The following DPF3 variants were observed in gnomAD, a reference collection of about 807,000 sequenced individuals.
The protein encoded by DPF3 is double PHD fingers 3.
Under a neutral mutation model 56.8 loss-of-function variants are expected in DPF3, and 18 were observed. That is an observed-to-expected ratio of 0.32 (90% CI 0.22 to 0.47). The LOEUF is 0.47. Ranked by LOEUF, DPF3 falls within the 20% of genes least tolerant of loss-of-function variation. The probability of loss-of-function intolerance (pLI) is 1.00; values close to 1 mark genes in which losing one functional copy is unlikely to be tolerated. For synonymous variants in DPF3, 188 were observed against 180.2 expected (o/e 1.04, Z -0.35); for missense variants, 403 against 488.8 (o/e 0.82, Z 1.65).
At chr14:72,686,013 C>A (rs191672751) in intron 7 of DPF3, among the ~76,000 whole-genome samples, 14 of 152,310 alleles carry the variant, frequency 9.2e-5, no homozygotes, top group Non-Finnish European at 7.4e-5. Flanking sequence ...AGGGCTGAGA[C>A]CACGTTATCC....
At chr14:72,827,545 G>C (rs541816194) in intron 1 of DPF3, among the ~76,000 whole-genome samples, 1 of 125,170 alleles carries the variant, frequency 8.0e-6, no homozygotes, top group Non-Finnish European at 1.5e-5. Flanking sequence ...GCACAATCTC[G>C]GCTCACTGCA....
rs553173675 is a variant in DPF3, at chr14:72,684,364, C to CA, written c.742+8711dup. Among the ~76,000 whole-genome samples, 10 of 152,096 alleles carry CA rather than the reference C, an allele frequency of 6.6e-5. No individual in the cohort carries two copies. The South Asian group carries it at 2.1e-3, about 32-fold the overall frequency. The stretch of plus-strand genomic sequence containing the variant: ...CTGCTTTAGAGGCTGGGAGACCAAT[C>CA]AAAAAAGTTTTAACAACCCAGGCAG... On this transcript the variant is annotated intron_variant, in intron 7 of 10. Transcript: ENST00000556509.
intron 8 of DPF3, among the ~76,000 whole-genome samples, chr14:72,638,536 A>G (rs1158145431): frequency 6.6e-6 from 1 of 152,228 alleles, no homozygotes; most frequent in Non-Finnish European, 1.5e-5. Flanking sequence ...GGTGGAAAAC[A>G]GCAGTGATTG....
chr14:72,620,178 C>T (rs1391019807), intron 9 of DPF3, among the ~76,000 whole-genome samples, 194 bp from the exon 10 acceptor site: 1 of 152,162 alleles, frequency 6.6e-6, no homozygotes, highest in Non-Finnish European at 1.5e-5. Context: ...CCCTCTACCT[C>T]CCAGCCTATA....
chr14:72,691,183 A>G (rs1887664656), intron 7 of DPF3, among the ~76,000 whole-genome samples: 2 of 152,188 alleles, frequency 1.3e-5, no homozygotes, highest in South Asian at 4.1e-4. Flanking sequence ...TGACAACAGC[A>G]GGTGAGAAAG....
intron 1 of DPF3, among the ~76,000 whole-genome samples, chr14:72,785,535 G>A (rs1892176727): frequency 6.6e-6 from 1 of 152,176 alleles, no homozygotes. Context: ...TCCAGAACTA[G>A]AATAACCTGA....
At chr14:72,889,177 G>T (rs1886657095) in intron 1 of DPF3, among the ~76,000 whole-genome samples, 1 of 152,148 alleles carries the variant, frequency 6.6e-6, no homozygotes, top group Admixed American at 6.6e-5. Flanking sequence ...TGACTAAGCA[G>T]CTCCCATTCA....
intron 1 of DPF3, among the ~76,000 whole-genome samples, chr14:72,826,294 G>T (rs1883797147): frequency 6.6e-6 from 1 of 152,152 alleles, no homozygotes; most frequent in African/African-American, 2.4e-5. Context: ...GTTTTTAATG[G>T]CCCGTAAACA....
rs73296138 is a variant in DPF3 at position 72,661,041 on chromosome 14, C to T, written c.871+13199G>A. 1.3e-3 allele frequency: 1,319 copies of T among 985,412 alleles called. 15 individuals are homozygous for T. The African/African-American group carries it at 0.021, about 16-fold the overall frequency. 61.0% of individuals were successfully genotyped at this position (985,412 alleles called of 1,614,324 possible). On this transcript the variant is annotated intron_variant, in intron 8 of 10. Transcript: ENST00000556509. ...TGGTCAAGCAAATTTTACAGAGATG[C>T]TATAGGAGCATTGGAAACAGACTTT...
intron 6 of DPF3, among the ~76,000 whole-genome samples, chr14:72,704,952 C>T (rs763423240): frequency 9.2e-5 from 14 of 152,320 alleles, no homozygotes; most frequent in South Asian, 4.2e-4. Flanking sequence ...CATCAGGCTT[C>T]AGGCTTTCCT....
chr14:72,667,899 G>T (rs145433444), intron 8 of DPF3, among the ~76,000 whole-genome samples: 2 of 152,188 alleles, frequency 1.3e-5, no homozygotes, highest in African/African-American at 4.8e-5. Flanking sequence ...TGCAGGCAAC[G>T]ATAGAGTATA....
intron 2 of DPF3, among the ~76,000 whole-genome samples, chr14:72,755,839 C>T (rs1890766033): frequency 6.6e-6 from 1 of 152,176 alleles, no homozygotes; most frequent in African/African-American, 2.4e-5. Context: ...CCCTTCCTTG[C>T]CCTCCTCAAC....
At chr14:72,858,473 A>G (rs1885257878) in intron 1 of DPF3, among the ~76,000 whole-genome samples, 1 of 152,148 alleles carries the variant, frequency 6.6e-6, no homozygotes, top group Admixed American at 6.6e-5. Flanking sequence ...GATCTTAGCA[A>G]GTGATTTCAA....
chr14:72,740,863 C>T (rs1890096149), intron 3 of DPF3, among the ~76,000 whole-genome samples: 1 of 152,102 alleles, frequency 6.6e-6, no homozygotes. Context: ...AGGTGGGTCC[C>T]ACGGCCAAGT....
At chr14:72,749,140 A>G (rs995768812) in intron 3 of DPF3, among the ~76,000 whole-genome samples, 3 of 152,226 alleles carry the variant, frequency 2.0e-5, no homozygotes, top group Non-Finnish European at 4.4e-5. Flanking sequence ...GCCAGGAGAA[A>G]GGCTATACTC....
intron 1 of DPF3, among the ~76,000 whole-genome samples, chr14:72,851,804 CG>C (rs1487792009): frequency 2.0e-5 from 3 of 152,216 alleles, no homozygotes; most frequent in Non-Finnish European, 4.4e-5. Context: ...CCTCCTACCA[CG>C]GGCAACGGGT....
intron 1 of DPF3, among the ~76,000 whole-genome samples, chr14:72,797,900 A>G (rs780604557): frequency 5.3e-5 from 8 of 152,126 alleles, no homozygotes; most frequent in Non-Finnish European, 1.2e-4. Flanking sequence ...TGTCAACCTC[A>G]CAGGGTTGTT....
rs1008670130 is a variant in DPF3, at chr14:72,609,189, G to A, written c.*10108C>T. ...TGTGACTCAGTCTTTGAGAACGTGC[G>A]AGCATTCCATGGGATATCGAGGGGT... On this transcript the variant is annotated 3_prime_UTR_variant, in exon 11 of 11. Transcript: ENST00000556509. Among the ~76,000 whole-genome samples the A allele has an allele frequency of 5.3e-5, 8 of 152,220 alleles. No homozygotes were observed. Among genetic ancestry groups the A allele is most frequent in the South Asian group, 2.1e-4 (1 of 4,830 alleles).
chr14:72,740,669 C>T (rs777331459), intron 3 of DPF3, among the ~76,000 whole-genome samples: 3 of 152,192 alleles, frequency 2.0e-5, no homozygotes, highest in Non-Finnish European at 2.9e-5. Context: ...GTGGACCAGC[C>T]CAGGCCAAGG....
Sources: allele counts gnomAD v4.1 joint callset (sites outside exome capture counted in the v4.1 genomes callset), GRCh38; gene constraint gnomAD v4.1.1; transcripts MANE v1.5; gene names NCBI Gene and HGNC (gene_info 2026-07-23, HGNC 2026-07-21).